The following HUNK variants were observed in gnomAD, a reference collection of about 807,000 sequenced individuals.
HUNK encodes hormonally up-regulated neu tumor-associated kinase.
HUNK carries 21 observed loss-of-function variants against 61.0 expected under a neutral mutation model. The observed-to-expected ratio is 0.34, with a 90% CI of 0.24 to 0.50. HUNK has a LOEUF of 0.50. HUNK is among the 20% of genes least tolerant of loss of function. The pLI, the probability that HUNK is intolerant of heterozygous loss-of-function variation, is 0.98. For synonymous variants in HUNK, 371 were observed against 386.1 expected (o/e 0.96, Z 0.46); for missense variants, 772 against 945.7 (o/e 0.82, Z 2.41).
intron 1 of HUNK, among the ~76,000 whole-genome samples, chr21:31,889,918 C>T (rs907166164): frequency 6.6e-6 from 1 of 152,088 alleles, no homozygotes; most frequent in Non-Finnish European, 1.5e-5. Context: ...ACATATTACT[C>T]AACAGTGCAT....
At chr21:31,897,650 A>C (rs2123796983) in intron 1 of HUNK, among the ~76,000 whole-genome samples, 1 of 152,356 alleles carries the variant, frequency 6.6e-6, no homozygotes, top group Non-Finnish European at 1.5e-5. Flanking sequence ...TTGCGGGGAC[A>C]GAATTGACTC....
chr21:31,912,174 C>T (rs2123807095), intron 1 of HUNK, among the ~76,000 whole-genome samples: 1 of 152,288 alleles, frequency 6.6e-6, no homozygotes, highest in South Asian at 2.1e-4. Context: ...TCCATGCTGG[C>T]CCTGTTGTTA....
At chr21:31,913,282 C>T (rs2052558791) in intron 1 of HUNK, among the ~76,000 whole-genome samples, 2 of 151,990 alleles carry the variant, frequency 1.3e-5, no homozygotes, top group Non-Finnish European at 1.5e-5. Flanking sequence ...TGGGGTTGAC[C>T]TGGCCAAGAG....
At chr21:31,874,342 G>A (rs530373217) in intron 1 of HUNK, among the ~76,000 whole-genome samples, 7 of 149,170 alleles carry the variant, frequency 4.7e-5, no homozygotes, top group East Asian at 4.1e-4. Context: ...GGGGGCGGGG[G>A]GGGCAGGAAA....
chr21:31,989,267 A>C (rs1273319385), intron 8 of HUNK, among the ~76,000 whole-genome samples: 1 of 152,234 alleles, frequency 6.6e-6, no homozygotes, highest in Non-Finnish European at 1.5e-5. Flanking sequence ...TTAACCTATG[A>C]ATTTTAGGAG....
At chr21:31,894,862 G>A (rs1364479954) in intron 1 of HUNK, among the ~76,000 whole-genome samples, 2 of 152,140 alleles carry the variant, frequency 1.3e-5, no homozygotes, top group Non-Finnish European at 2.9e-5. Context: ...GGGTGCTTTT[G>A]TCTGAGGCAC....
intron 1 of HUNK, among the ~76,000 whole-genome samples, chr21:31,918,102 T>A (rs961736079): frequency 6.6e-6 from 1 of 152,210 alleles, no homozygotes; most frequent in African/African-American, 2.4e-5. Flanking sequence ...CTGATTGACT[T>A]TTCCTTAATT....
rs550429153 is a variant in HUNK at position 31,924,819 on chromosome 21, T to C, written c.554+59T>C. The C allele has an allele frequency of 6.1e-5, 86 of 1,408,350 alleles. No homozygotes were observed. In the African/African-American group the frequency reaches 1.0e-3, roughly 17 times the overall value. The allele number at this position is 1,408,350 out of a possible 1,614,324, so 87.2% of individuals were successfully genotyped here. A position where few individuals can be genotyped will look rare whatever the true frequency, so the allele number is the denominator to read the frequency against. ...GTGTGCTCCGTGGGTGGCACTGGGC[T>C]GTGGCACCCTCTGAGCCTCTGAGAA... On this transcript the variant is annotated intron_variant, in intron 2 of 10. Transcript: ENST00000270112. This position sits in a 1 kb window ranked among gnomAD's most constrained non-coding sequence, Gnocchi z 5.1.
chr21:31,881,786 A>G (rs894651524), intron 1 of HUNK, among the ~76,000 whole-genome samples: 5 of 152,084 alleles, frequency 3.3e-5, no homozygotes, highest in African/African-American at 1.2e-4. Context: ...TTGCTGCTCG[A>G]CTGTGGTCTC....
intron 1 of HUNK, among the ~76,000 whole-genome samples, chr21:31,906,991 A>G (rs2052510378): frequency 6.6e-6 from 1 of 152,044 alleles, no homozygotes; most frequent in Non-Finnish European, 1.5e-5. Flanking sequence ...CCTGGCCAAC[A>G]TGGTGAAGCT....
At chr21:31,904,227 C>CT (rs1364792548) in intron 1 of HUNK, among the ~76,000 whole-genome samples, 1 of 152,004 alleles carries the variant, frequency 6.6e-6, no homozygotes, top group Non-Finnish European at 1.5e-5. Flanking sequence ...TTCAGGAAAT[C>CT]TTTTTGGGTC....
chr21:31,996,949 T>G (rs2053210157), intron 10 of HUNK, among the ~76,000 whole-genome samples: 1 of 152,240 alleles, frequency 6.6e-6, no homozygotes, highest in Non-Finnish European at 1.5e-5. Flanking sequence ...GCTGGAACAC[T>G]GGAGACCTTG....
At chr21:31,915,819 C>G (rs1391814944) in intron 1 of HUNK, among the ~76,000 whole-genome samples, 1 of 152,146 alleles carries the variant, frequency 6.6e-6, no homozygotes, top group African/African-American at 2.4e-5. Flanking sequence ...AAAAGCTACT[C>G]TATTCCAGAG....
In HUNK at chr21:31,998,866, G is replaced by C. The variant is rs144923714; in HGVS notation, c.1827G>C (p.Ser609=). The C allele has an allele frequency of 1.4e-5, 22 of 1,614,028 alleles. No homozygotes were observed. The highest frequency in any genetic ancestry group is 2.7e-5 in the African/African-American group (2 of 74,908). Residue 609 remains serine, a synonymous_variant, in exon 11 of 11, where the codon TCG becomes TCC. Transcript: ENST00000270112. ...LSPGLPSGSM[S]PLHTPLHPTL... ...CGGGTCTGCCATCCGGAAGCATGTC[G>C]CCTCTCCATACTCCTTTGCATCCAA...
chr21:31,952,138 C>A (rs2052854515), intron 4 of HUNK, among the ~76,000 whole-genome samples: 1 of 151,628 alleles, frequency 6.6e-6, no homozygotes, highest in Non-Finnish European at 1.5e-5. Flanking sequence ...TAAACATAGA[C>A]CATTTAATGG....
At chr21:31,950,542 C>T (rs1482879916) in intron 4 of HUNK, among the ~76,000 whole-genome samples, 1 of 152,138 alleles carries the variant, frequency 6.6e-6, no homozygotes, top group Non-Finnish European at 1.5e-5. Flanking sequence ...ATTTCTCTTC[C>T]TCTTAATTTT....
chr21:31,885,520 C>A (rs1026152646), intron 1 of HUNK, among the ~76,000 whole-genome samples: 1 of 152,134 alleles, frequency 6.6e-6, no homozygotes, highest in African/African-American at 2.4e-5. Context: ...ACCACAGACC[C>A]GGGGGCTGGA....
rs1487316921 is a variant in HUNK at position 32,001,746 on chromosome 21, T to C, written c.*2562T>C. 6.6e-6 allele frequency: 1 copy of C among 152,600 alleles called. No individual in the cohort carries two copies. The highest frequency in any genetic ancestry group is 1.5e-5 in the Non-Finnish European group (1 of 68,038). 9.5% of individuals were successfully genotyped at this position (152,600 alleles called of 1,614,324 possible). On this transcript the variant is annotated 3_prime_UTR_variant, in exon 11 of 11. Coordinates refer to ENST00000270112, the MANE Select transcript of HUNK (RefSeq NM_014586.2). ...TCTTTATTATTTTATTATATTTATA[T>C]GGAAAGCTCGACTCTCCCTTTGGTA... is the stretch of plus-strand genomic sequence containing the variant.
chr21:31,994,409 G>A lies in HUNK; in HGVS notation c.1306-1359G>A, dbSNP rs554775096. Among the ~76,000 whole-genome samples the A allele has an allele frequency of 1.7e-4, 26 of 152,280 alleles. 2 individuals carry two copies. In the South Asian group the frequency reaches 4.4e-3, roughly 25 times the overall value. ...AGACTTTGAACATCCTTATTAGAAA[G>A]GGCTGCAAAAGTGTAGAGAGATATT... On this transcript the variant is annotated intron_variant, in intron 9 of 10. Transcript: ENST00000270112.
Sources: allele counts gnomAD v4.1 joint callset (sites outside exome capture counted in the v4.1 genomes callset), GRCh38; gene constraint gnomAD v4.1.1; non-coding constraint Gnocchi (gnomAD v3.1); transcripts MANE v1.5; gene names NCBI Gene and HGNC (gene_info 2026-07-23, HGNC 2026-07-21).